SLC5A2: variants seen among roughly 807,000 people sequenced by gnomAD.
The protein encoded by SLC5A2 is solute carrier family 5 member 2, also known as sodium/glucose cotransporter 2.
In SLC5A2, 67 loss-of-function variants were observed where a neutral mutation model predicts 69.0. The observed-to-expected ratio is 0.97, with a 90% CI of 0.80 to 1.19. The LOEUF is 1.19. SLC5A2 is among the 50% of genes most tolerant of loss of function. SLC5A2 has a pLI of 0.00. For missense variants in SLC5A2, 1,001 were observed against 921.5 expected (o/e 1.09, Z -1.12); for synonymous variants, 455 against 395.8 (o/e 1.15, Z -1.78).
In SLC5A2 at chr16:31,488,973, A is replaced by C. The variant is rs1225971098; in HGVS notation, c.1374A>C (p.Ala458=). The change falls in exon 11 of 14, where the codon GCA becomes GCC. Residue 458 remains alanine (A), a synonymous_variant. Transcript: ENST00000330498. The part of the protein sequence containing the change: ...QGGQLFDYIQ[A]VSSYLAPPVS... ...GGCAGCTCTTCGATTACATCCAGGCAGTCTCTAGCTACCTGGCACCGCCCG... is the reference window on the plus strand; with the variant it reads ...GGCAGCTCTTCGATTACATCCAGGCCGTCTCTAGCTACCTGGCACCGCCCG... 1 of 1,602,000 alleles carries C rather than the reference A, an allele frequency of 6.2e-7. No individual in the cohort carries two copies. Among genetic ancestry groups the C allele is most frequent in the South Asian group, 1.1e-5 (1 of 91,074 alleles).
At chr16:31,486,136 T>C in intron 4 of SLC5A2, 34 bp from the exon 5 acceptor site, 4 of 1,526,816 alleles carry the variant, frequency 2.6e-6, no homozygotes, top group Non-Finnish European at 3.6e-6. Flanking sequence ...GACACTGCCC[T>C]GGGTCCTGAC....
intron 9 of SLC5A2, 30 bp from the exon 10 acceptor site, chr16:31,488,592 C>T (rs1219469176): frequency 6.2e-7 from 1 of 1,609,972 alleles, no homozygotes. Flanking sequence ...CCCCAGTGGC[C>T]CCAGCCTCAC....
chr16:31,484,620 T>G, intron 1 of SLC5A2, 53 bp from the exon 2 acceptor site: 66 of 1,552,010 alleles, frequency 4.3e-5, no homozygotes, highest in Non-Finnish European at 5.5e-5. Context: ...AGGTGGCTGA[T>G]GAGGTCCAAG....
At chr16:31,487,806 G>A (rs2082510728) in intron 7 of SLC5A2, 47 bp downstream of exon 7, 2 of 1,544,594 alleles carry the variant, frequency 1.3e-6, no homozygotes, top group Non-Finnish European at 1.7e-6. Context: ...GCGGAGCCGA[G>A]ACGGGCGGAG....
rs763211072 is a variant in SLC5A2 at position 31,489,120 on chromosome 16, C to T, written c.1450-3C>T. 6.2e-7 allele frequency: 1 copy of T among 1,607,594 alleles called. No individual in the cohort carries two copies. The highest frequency in any genetic ancestry group is 8.5e-7 in the Non-Finnish European group (1 of 1,179,974). ...TCAGCAGGCTGACCTGTTTCCTTCG[C>T]AGGGCGCCTTCTGGGGACTCATCGG... On this transcript the variant is annotated splice_region_variant and splice_polypyrimidine_tract_variant and intron_variant, in intron 11 of 13. Coordinates refer to ENST00000330498, the MANE Select transcript of SLC5A2 (RefSeq NM_003041.4).
At position 31,485,884 on chromosome 16, in the gene SLC5A2, C is replaced by G; in HGVS notation, c.459C>G (p.Thr153=). Residue 153 remains threonine (T), a synonymous_variant, in exon 4 of 14, where the codon ACC becomes ACG. Transcript: ENST00000330498. ...TCTCCCTTTTCCTGTACATCTTCAC[C>G]AAGATCTCAGTGAGTGCCTGTGGCA... ...SVLSLFLYIF[T]KISVDMFSGA... 1.2e-6 allele frequency: 2 copies of G among 1,613,606 alleles called. No homozygotes were observed. Among genetic ancestry groups the G allele is most frequent in the Non-Finnish European group, 1.7e-6 (2 of 1,180,038 alleles).
rs1045772994 is a variant in SLC5A2 at position 31,488,621 on chromosome 16, G to A, written c.1130-1G>A. 5 of 1,610,496 alleles carry A rather than the reference G, an allele frequency of 3.1e-6. No individual in the cohort carries two copies. The highest frequency in any genetic ancestry group is 2.7e-5 in the African/African-American group (2 of 74,892). ...GCCTCACGGCTGCCGTCGGCCCGCA[G>A]GTCTGCGCGGACTCATGCTGGCGGT... On this transcript the variant is annotated splice_acceptor_variant, in intron 9 of 13. Transcript: ENST00000330498. LOFTEE classifies it high-confidence loss of function.
intron 1 of SLC5A2, among the ~76,000 whole-genome samples, chr16:31,483,531 T>C (rs1368565935): frequency 2.6e-5 from 4 of 152,068 alleles, no homozygotes; most frequent in Non-Finnish European, 2.9e-5. Context: ...CCTGGCCACA[T>C]TGTGGCTGAC....
At position 31,489,355 on chromosome 16, in the gene SLC5A2, C is replaced by A; in HGVS notation, c.1665+17C>A. 6.2e-7 allele frequency: 1 copy of A among 1,600,802 alleles called. No individual in the cohort carries two copies. On this transcript the variant is annotated intron_variant, in intron 12 of 13. Coordinates refer to ENST00000330498, the MANE Select transcript of SLC5A2 (RefSeq NM_003041.4). ...AGAAAGCACGTGAGTGGCCAGGTGC[C>A]CCAGGCAAGCACTGTGGGACACAGC... is the stretch of plus-strand genomic sequence containing the variant.
chr16:31,490,005 T>C, intron 12 of SLC5A2, 99 bp from the exon 13 acceptor site: 1 of 1,502,456 alleles, frequency 6.7e-7, no homozygotes, highest in Non-Finnish European at 9.1e-7. Context: ...TGGACAGAGG[T>C]GGGTAGGGCA....
chr16:31,488,815 G>A lies in SLC5A2; in HGVS notation c.1280+43G>A, dbSNP rs1162190590. On this transcript the variant is annotated intron_variant, in intron 10 of 13. Transcript: ENST00000330498. ...CTCCTCCCCAACGGATCAGCCCGGG[G>A]CGGGGGCTTGCGCACCTGCAGGGGA... 3.1e-6 allele frequency: 5 copies of A among 1,600,446 alleles called. No individual in the cohort carries two copies. In the South Asian group the frequency reaches 5.5e-5, roughly 18 times the overall value.
At chr16:31,485,328 C>G (rs948915927) in intron 3 of SLC5A2, 1 of 441,320 alleles carries the variant, frequency 2.3e-6, no homozygotes, top group Non-Finnish European at 4.2e-6. Flanking sequence ...GACTGAGGCT[C>G]CTGTTGGAGG....
Position 31,490,722 on chromosome 16 carries a change from A to G in SLC5A2, c.*187A>G. 7.8e-7 allele frequency: 1 copy of G among 1,285,918 alleles called. No homozygotes were observed. The highest frequency in any genetic ancestry group is 1.1e-6 in the Non-Finnish European group (1 of 893,738). The allele number at this position is 1,285,918 out of a possible 1,614,324, so 79.7% of individuals were successfully genotyped here. ...GTCACTTCCCATGAGGGCCTGGCCCACCCGCTGCAGTTGCCCTAAGGAAAA... is the reference window on the plus strand; with the variant it reads ...GTCACTTCCCATGAGGGCCTGGCCCGCCCGCTGCAGTTGCCCTAAGGAAAA... On this transcript the variant is annotated 3_prime_UTR_variant, in exon 14 of 14. Transcript: ENST00000330498.
At chr16:31,489,388 C>T (rs774116625) in intron 12 of SLC5A2, 50 bp downstream of exon 12, 3 of 1,534,672 alleles carry the variant, frequency 2.0e-6, no homozygotes, top group Non-Finnish European at 1.8e-6. Context: ...AGCACCTACC[C>T]TCTGCTTCCT....
Position 31,490,302 on chromosome 16 carries a change from C to T in SLC5A2, c.1793-7C>T. ...CAAACTAACTGCAGGGCCTCAATTT[C>T]CCTCAGAGCCCCAGGCCCCGGCACC... On this transcript the variant is annotated splice_region_variant and splice_polypyrimidine_tract_variant and intron_variant, in intron 13 of 13. Coordinates refer to ENST00000330498, the MANE Select transcript of SLC5A2 (RefSeq NM_003041.4). The T allele has an allele frequency of 6.2e-7, 1 of 1,612,732 alleles. No individual in the cohort carries two copies. Among genetic ancestry groups the T allele is most frequent in the Non-Finnish European group, 8.5e-7 (1 of 1,179,510 alleles).
At chr16:31,483,328 G>T in intron 1 of SLC5A2, 66 bp downstream of exon 1, 3 of 1,595,782 alleles carry the variant, frequency 1.9e-6, no homozygotes, top group Non-Finnish European at 2.6e-6. Flanking sequence ...AAAGTCTCAG[G>T]GGGACCCTAG....
At chr16:31,488,556 C>G in intron 9 of SLC5A2, 66 bp downstream of exon 9, 3 of 1,604,724 alleles carry the variant, frequency 1.9e-6, no homozygotes, top group Non-Finnish European at 2.6e-6. Context: ...GGGGTCGTCC[C>G]TCGCGCAGCT....
At position 31,483,179 on chromosome 16, in the gene SLC5A2, G is replaced by A. The variant is rs2082469225; in HGVS notation, c.43G>A (p.Ala15Thr). ...TEAGSAPEMG[A>T]QKALIDNPAD... Reference sequence around the variant, plus strand: ...GGCAGGCTCGGCACCAGAGATGGGGGCCCAGAAGGCCCTGATTGACAATCC... The same window carrying A: ...GGCAGGCTCGGCACCAGAGATGGGGACCCAGAAGGCCCTGATTGACAATCC... The change falls in exon 1 of 14, where the codon GCC becomes ACC. Residue 15 changes from alanine (A) to threonine (T), a missense_variant. Coordinates refer to ENST00000330498, the MANE Select transcript of SLC5A2 (RefSeq NM_003041.4). 1.2e-6 allele frequency: 2 copies of A among 1,613,930 alleles called. No individual in the cohort carries two copies. The highest frequency in any genetic ancestry group is 1.1e-5 in the South Asian group (1 of 91,088).
intron 6 of SLC5A2, 32 bp downstream of exon 6, chr16:31,487,432 A>T (rs1164829411): frequency 6.2e-7 from 1 of 1,612,160 alleles, no homozygotes; most frequent in South Asian, 1.1e-5. Flanking sequence ...AGGGGCGCGG[A>T]GGGCATGGTC....
Sources: gnomAD v4.1 joint callset for allele counts (sites outside exome capture counted in the v4.1 genomes callset) on GRCh38, gnomAD v4.1.1 for gene constraint, MANE v1.5 for transcripts, NCBI Gene and HGNC (gene_info 2026-07-23, HGNC 2026-07-21) for gene names.